The following RBM47 variants were observed in gnomAD, a reference collection of about 807,000 sequenced individuals.
RBM47 encodes the protein RNA binding motif protein 47, also known as RNA-binding protein 47.
RBM47 carries 21 observed loss-of-function variants against 47.1 expected under a neutral mutation model. The observed-to-expected ratio is 0.45, with a 90% CI of 0.32 to 0.64. RBM47 has a LOEUF of 0.64. Among genes scored for constraint, RBM47 ranks in the 30% least tolerant of loss-of-function variants. The pLI is 0.05. For missense variants in RBM47, 708 were observed against 870.9 expected (o/e 0.81, Z 2.35); for synonymous variants, 375 against 361.7 (o/e 1.04, Z -0.42).
intron 1 of RBM47, among the ~76,000 whole-genome samples, chr4:40,589,243 T>C (rs1233878351): frequency 1.3e-5 from 2 of 151,568 alleles, no homozygotes; most frequent in Admixed American, 6.6e-5. Context: ...CCTGGGATTA[T>C]AGGCGTGAGC....
At chr4:40,627,337 T>C (rs368732387) in intron 1 of RBM47, among the ~76,000 whole-genome samples, 1 of 152,284 alleles carries the variant, frequency 6.6e-6, no homozygotes, top group Non-Finnish European at 1.5e-5. Flanking sequence ...GAGTTTTTTT[T>C]CCCCAGAATT....
intron 3 of RBM47, among the ~76,000 whole-genome samples, chr4:40,458,932 T>C (rs1716691090): frequency 2.0e-5 from 3 of 152,178 alleles, no homozygotes; most frequent in Non-Finnish European, 2.9e-5. Context: ...TTGATATGAG[T>C]AGGAACCTGC....
In RBM47 at chr4:40,508,819, C is replaced by G. The variant is rs189147600; in HGVS notation, c.-155+35603G>C. ...TTCATCAAGCTGTGTACCTAACAGT[C>G]GTGCAGTTTACTGCCTTTATGTTAT... On this transcript the variant is annotated intron_variant, in intron 2 of 6. Transcript: ENST00000295971. Among the ~76,000 whole-genome samples the G allele has an allele frequency of 1.8e-4, 28 of 152,286 alleles. No individual in the cohort carries two copies. The East Asian group carries it at 5.4e-3, about 29-fold the overall frequency.
chr4:40,489,373 G>C (rs1721553281), intron 2 of RBM47, among the ~76,000 whole-genome samples: 1 of 152,060 alleles, frequency 6.6e-6, no homozygotes, highest in Non-Finnish European at 1.5e-5. Flanking sequence ...CAAAATAAAA[G>C]TTAATAAAAC....
intron 2 of RBM47, among the ~76,000 whole-genome samples, chr4:40,524,171 T>G (rs909521049): frequency 2.0e-5 from 3 of 152,190 alleles, no homozygotes; most frequent in African/African-American, 7.2e-5. Flanking sequence ...AAACATTTAT[T>G]AAGCACCTGC....
At chr4:40,510,192 A>G (rs1475640246) in intron 2 of RBM47, among the ~76,000 whole-genome samples, 11 of 145,756 alleles carry the variant, frequency 7.5e-5, no homozygotes, top group African/African-American at 2.7e-4. Flanking sequence ...CATCTCAAAA[A>G]AAAAAAAAAA....
intron 2 of RBM47, among the ~76,000 whole-genome samples, chr4:40,510,721 T>G (rs188140611): frequency 6.6e-6 from 1 of 151,506 alleles, no homozygotes; most frequent in Non-Finnish European, 1.5e-5. Flanking sequence ...AAAGAAAGAG[T>G]CGTGATTTAT....
intron 1 of RBM47, among the ~76,000 whole-genome samples, chr4:40,622,002 G>A (rs552960321): frequency 1.4e-4 from 21 of 152,342 alleles, no homozygotes; most frequent in African/African-American, 5.1e-4. Context: ...AGGTATGTTC[G>A]TGGTTGTATT....
intron 1 of RBM47, among the ~76,000 whole-genome samples, chr4:40,580,558 T>C (rs1732789588): frequency 6.6e-6 from 1 of 152,122 alleles, no homozygotes. Context: ...GAAATTTGGT[T>C]ACCATCATTC....
At chr4:40,439,893 A>G (rs1015963181) in intron 3 of RBM47, among the ~76,000 whole-genome samples, 1 of 152,122 alleles carries the variant, frequency 6.6e-6, no homozygotes, top group Admixed American at 6.5e-5. Flanking sequence ...CGAATTTTCT[A>G]TGATGCTAGA....
intron 1 of RBM47, among the ~76,000 whole-genome samples, chr4:40,604,714 T>TTGTTGTTGTTG (rs141813422): frequency 6.6e-6 from 1 of 151,636 alleles, no homozygotes; most frequent in East Asian, 1.9e-4. Context: ...CACATGGCTC[T>TTGTTGTTGTTG]TTGTTGTTGT....
chr4:40,438,186 G>A lies in RBM47; in HGVS notation c.708C>T (p.Asp236=), dbSNP rs759907330. Residue 236 remains aspartate (D), a synonymous_variant, in exon 4 of 7, where the codon GAC becomes GAT. Transcript: ENST00000295971. Reference sequence around the variant, plus strand: ...CGGTCTCCATCACGTCCTCGTCCACGTCGATCTCAGGTTCGGCCCAGTCCA... The same window carrying A: ...CGGTCTCCATCACGTCCTCGTCCACATCGATCTCAGGTTCGGCCCAGTCCA... ...IAVDWAEPEI[D]VDEDVMETVK... 1.4e-5 allele frequency: 23 copies of A among 1,609,286 alleles called. No individual in the cohort carries two copies. Among genetic ancestry groups the A allele is most frequent in the Non-Finnish European group, 1.0e-5 (12 of 1,180,000 alleles).
intron 3 of RBM47, among the ~76,000 whole-genome samples, chr4:40,462,101 C>T (rs949217036): frequency 3.9e-5 from 6 of 152,248 alleles, no homozygotes; most frequent in African/African-American, 1.4e-4. Context: ...CATCTCCAAG[C>T]CCGTCAGAGA....
chr4:40,522,491 C>T (rs1319639567), intron 2 of RBM47, among the ~76,000 whole-genome samples: 1 of 152,084 alleles, frequency 6.6e-6, no homozygotes, highest in African/African-American at 2.4e-5. Flanking sequence ...GGCAACAGAG[C>T]AAGACTCCAT....
At chr4:40,497,007 C>A (rs185996707) in intron 2 of RBM47, among the ~76,000 whole-genome samples, 12 of 146,946 alleles carry the variant, frequency 8.2e-5, no homozygotes, top group Non-Finnish European at 1.5e-4. Flanking sequence ...CGCCACTGCA[C>A]TCTAGCCCAG....
intron 2 of RBM47, among the ~76,000 whole-genome samples, chr4:40,510,531 T>G (rs1724787712): frequency 6.6e-6 from 1 of 152,154 alleles, no homozygotes; most frequent in African/African-American, 2.4e-5. Flanking sequence ...ATGTGTATTT[T>G]CAGAGCAAAA....
At chr4:40,581,251 A>T (rs2154271047) in intron 1 of RBM47, among the ~76,000 whole-genome samples, 1 of 152,098 alleles carries the variant, frequency 6.6e-6, no homozygotes, top group Middle Eastern at 3.4e-3. Flanking sequence ...GTGAGACCTC[A>T]TCTCTACAAA....
chr4:40,517,546 A>G (rs1031142449), intron 2 of RBM47, among the ~76,000 whole-genome samples: 2 of 152,226 alleles, frequency 1.3e-5, no homozygotes, highest in African/African-American at 2.4e-5. Flanking sequence ...AAAAGTTTGA[A>G]GACACAAAAT....
intron 3 of RBM47, among the ~76,000 whole-genome samples, chr4:40,444,356 G>A (rs1471957932): frequency 6.6e-6 from 1 of 152,016 alleles, no homozygotes; most frequent in Admixed American, 6.6e-5. Context: ...AGCTATGGCT[G>A]TGGGCCAAAT....
Sources: allele counts gnomAD v4.1 joint callset (sites outside exome capture counted in the v4.1 genomes callset), GRCh38; gene constraint gnomAD v4.1.1; transcripts MANE v1.5; gene names NCBI Gene and HGNC (gene_info 2026-07-23, HGNC 2026-07-21).